Variants in KCNK9 observed in about 807,000 individuals in gnomAD.
KCNK9 encodes potassium channel subfamily K member 9.
A neutral mutation model predicts 10.8 loss-of-function variants in KCNK9; 1 was observed. The ratio of observed to expected loss-of-function variants is 0.09; its 90% confidence interval spans 0.03 to 0.44. The LOEUF is 0.44. Among genes scored for constraint, KCNK9 ranks in the 20% least tolerant of loss-of-function variants. The pLI is 0.97. For missense variants in KCNK9, 303 were observed against 515.0 expected (o/e 0.59, Z 3.98); for synonymous variants, 231 against 222.7 (o/e 1.04, Z -0.33).
At chr8:139,655,745 C>A (rs1816004794) in intron 1 of KCNK9, among the ~76,000 whole-genome samples, 1 of 152,222 alleles carries the variant, frequency 6.6e-6, no homozygotes, top group East Asian at 1.9e-4. Context: ...GCTCTCCCCA[C>A]TCAGGGGCTC....
intron 1 of KCNK9, among the ~76,000 whole-genome samples, chr8:139,696,742 G>C (rs911816263): frequency 4.7e-5 from 7 of 148,982 alleles, no homozygotes; most frequent in Non-Finnish European, 8.8e-5. Context: ...TAGATGAGTG[G>C]GTGGATGGAT....
intron 1 of KCNK9, among the ~76,000 whole-genome samples, chr8:139,649,217 C>T (rs955965170): frequency 6.6e-6 from 1 of 152,158 alleles, no homozygotes. Context: ...TTCACTGTAA[C>T]TCAGCTGGTG....
At chr8:139,674,112 C>T (rs1816496428) in intron 1 of KCNK9, among the ~76,000 whole-genome samples, 1 of 152,230 alleles carries the variant, frequency 6.6e-6, no homozygotes, top group Non-Finnish European at 1.5e-5. Context: ...TGCATCCCCC[C>T]AGAGTTCTTA....
At chr8:139,652,453 G>A (rs954610646) in intron 1 of KCNK9, among the ~76,000 whole-genome samples, 1 of 152,120 alleles carries the variant, frequency 6.6e-6, no homozygotes, top group African/African-American at 2.4e-5. Flanking sequence ...TCACCCTGAG[G>A]CACATATAGG....
At chr8:139,629,619 G>A (rs1431403698) in intron 1 of KCNK9, among the ~76,000 whole-genome samples, 2 of 152,116 alleles carry the variant, frequency 1.3e-5, no homozygotes, top group African/African-American at 4.8e-5. Flanking sequence ...GCCCTGGGAA[G>A]CGTCAGCAAA....
At chr8:139,655,895 C>A (rs114670271) in intron 1 of KCNK9, among the ~76,000 whole-genome samples, 1 of 152,170 alleles carries the variant, frequency 6.6e-6, no homozygotes. Context: ...GCTGTGGAGC[C>A]TTGGGAATGT....
intron 2 of KCNK9, among the ~76,000 whole-genome samples, chr8:139,607,048 T>C (rs1814241660): frequency 6.6e-6 from 1 of 152,182 alleles, no homozygotes; most frequent in Admixed American, 6.5e-5. Context: ...ATAATTAGCC[T>C]TTTTCAGTAG....
At chr8:139,655,903 T>A (rs769071289) in intron 1 of KCNK9, among the ~76,000 whole-genome samples, 16 of 152,188 alleles carry the variant, frequency 1.1e-4, no homozygotes, top group Admixed American at 2.0e-4. Flanking sequence ...GCCTTGGGAA[T>A]GTCCCTGGAG....
At chr8:139,685,329 A>T (rs568768527) in intron 1 of KCNK9, among the ~76,000 whole-genome samples, 5 of 152,242 alleles carry the variant, frequency 3.3e-5, no homozygotes, top group Admixed American at 2.0e-4. Context: ...CATGTGCGCA[A>T]CGTGCAGGTT....
intron 1 of KCNK9, among the ~76,000 whole-genome samples, chr8:139,669,828 A>G (rs569533021): frequency 2.0e-5 from 3 of 152,366 alleles, no homozygotes; most frequent in Admixed American, 6.5e-5. Context: ...GTCTATGTCA[A>G]CTATGGCATT....
At position 139,693,650 on chromosome 8, in the gene KCNK9, G is replaced by C. The variant is rs1379060505; in HGVS notation, c.283+9060C>G. ...AGTGGGCTGGGGAGCAAAGAAACAAGTCCTTTGCTCAAGAGGATAAAGGAC... is the reference window on the plus strand; with the variant it reads ...AGTGGGCTGGGGAGCAAAGAAACAACTCCTTTGCTCAAGAGGATAAAGGAC... On this transcript the variant is annotated intron_variant, in intron 1 of 1. Coordinates refer to ENST00000520439, the MANE Select transcript of KCNK9 (RefSeq NM_001282534.2). This position sits in a 1 kb window ranked among gnomAD's most constrained non-coding sequence, Gnocchi z 4.1. Among the ~76,000 whole-genome samples the C allele has an allele frequency of 2.0e-5, 3 of 152,216 alleles. No homozygotes were observed. The highest frequency in any genetic ancestry group is 3.9e-4 in the East Asian group (2 of 5,156).
At chr8:139,690,198 A>G (rs923338562) in intron 1 of KCNK9, among the ~76,000 whole-genome samples, 7 of 152,046 alleles carry the variant, frequency 4.6e-5, no homozygotes, top group African/African-American at 1.7e-4. Context: ...CCCGGGCATA[A>G]CTCCTTTCTG....
At chr8:139,621,203 A>C (rs1215690247) in intron 1 of KCNK9, among the ~76,000 whole-genome samples, 1 of 151,922 alleles carries the variant, frequency 6.6e-6, no homozygotes, top group Non-Finnish European at 1.5e-5. Flanking sequence ...AGGCAGGAGA[A>C]TCACTTGAAC....
intron 1 of KCNK9, among the ~76,000 whole-genome samples, chr8:139,626,527 G>A (rs973032495): frequency 8.5e-5 from 13 of 152,126 alleles, no homozygotes; most frequent in African/African-American, 2.7e-4. Context: ...CCGTGCCCTC[G>A]GAGGGACTGT....
intron 2 of KCNK9, among the ~76,000 whole-genome samples, chr8:139,604,577 G>A (rs1416207127): frequency 6.6e-6 from 1 of 152,212 alleles, no homozygotes; most frequent in Non-Finnish European, 1.5e-5. Context: ...TCCACAGAAG[G>A]GTTGAGGAGA....
chr8:139,700,460 G>C (rs1423531206), intron 1 of KCNK9, among the ~76,000 whole-genome samples: 1 of 151,776 alleles, frequency 6.6e-6, no homozygotes, highest in East Asian at 1.9e-4. Flanking sequence ...GTTAGTGTTA[G>C]AGCTGTCTTT....
In KCNK9 at chr8:139,618,536, G is replaced by A. The variant is rs778151288; in HGVS notation, c.847C>T (p.Arg283Trp). The A allele has an allele frequency of 1.2e-6, 2 of 1,613,472 alleles. No individual in the cohort carries two copies. The highest frequency in any genetic ancestry group is 1.7e-5 in the Admixed American group (1 of 60,004). The change falls in exon 2 of 2, where the codon CGG (arginine) becomes TGG (tryptophan). Residue 283 changes from arginine (R) to tryptophan (W), a missense_variant. Around this residue, in one of 5 missense-constraint regions of KCNK9, gnomAD observed 138 missense variants for 161.1 expected, o/e 0.86. Coordinates refer to ENST00000520439, the MANE Select transcript of KCNK9 (RefSeq NM_001282534.2). The surrounding 1 kb of genome is among the most constrained non-coding windows in gnomAD (Gnocchi z 7.9). ...GGGACGTCCGCCTTGTACCTGGGCC[G>A]GCTGGGCCGCGGCTCCTCAGGGATG... Reference protein sequence around the residue: ...IHIPEEPRPSRPRYKADVPDL... With the variant: ...IHIPEEPRPSWPRYKADVPDL...
At chr8:139,672,041 C>T (rs2129736249) in intron 1 of KCNK9, among the ~76,000 whole-genome samples, 1 of 152,330 alleles carries the variant, frequency 6.6e-6, no homozygotes, top group South Asian at 2.1e-4. Context: ...GCTAGGAGAA[C>T]AAGGGCGGGG....
At chr8:139,682,593 A>T (rs570613051) in intron 1 of KCNK9, among the ~76,000 whole-genome samples, 17 of 152,330 alleles carry the variant, frequency 1.1e-4, no homozygotes, top group African/African-American at 3.8e-4. Flanking sequence ...GGAGAGAGGG[A>T]CAGGGCTGAG....
Sources: allele counts gnomAD v4.1 joint callset (sites outside exome capture counted in the v4.1 genomes callset), GRCh38; gene constraint gnomAD v4.1.1; regional missense constraint gnomAD v4.1.1; non-coding constraint Gnocchi (gnomAD v3.1); transcripts MANE v1.5; gene names NCBI Gene and HGNC (gene_info 2026-07-23, HGNC 2026-07-21).